DSCAM: variants seen among roughly 807,000 people sequenced by gnomAD.
The protein encoded by DSCAM is DS cell adhesion molecule.
A neutral mutation model predicts 217.7 loss-of-function variants in DSCAM; 47 were observed. The ratio of observed to expected loss-of-function variants is 0.22; its 90% CI spans 0.17 to 0.28. The LOEUF (loss-of-function observed/expected upper bound fraction) is 0.28. Among genes scored for constraint, DSCAM ranks in the 10% least tolerant of loss-of-function variants. DSCAM has a pLI of 1.00. For synonymous variants in DSCAM, 1,056 were observed against 1,015.3 expected (o/e 1.04, Z -0.76); for missense variants, 2,080 against 2,618.3 (o/e 0.79, Z 4.49).
intron 1 of DSCAM, among the ~76,000 whole-genome samples, chr21:40,830,439 G>A (rs538446798): frequency 6.6e-6 from 1 of 152,298 alleles, no homozygotes; most frequent in East Asian, 1.9e-4. Flanking sequence ...AATTACAACT[G>A]GACATGAGAT....
intron 32 of DSCAM, among the ~76,000 whole-genome samples, chr21:40,026,931 G>C (rs1485649263): frequency 3.8e-3 from 578 of 152,172 alleles, no homozygotes; most frequent in African/African-American, 0.013. Context: ...GATGTTAGCT[G>C]GTTATTTTGC....
intron 11 of DSCAM, among the ~76,000 whole-genome samples, chr21:40,220,868 C>G (rs143177543): frequency 5.9e-5 from 9 of 152,352 alleles, no homozygotes; most frequent in African/African-American, 1.9e-4. Flanking sequence ...GCGCTCATCA[C>G]TGTGCTCACT....
chr21:40,845,636 C>T (rs1406779755), intron 1 of DSCAM, among the ~76,000 whole-genome samples: 2 of 151,366 alleles, frequency 1.3e-5, no homozygotes, highest in East Asian at 1.9e-4. Flanking sequence ...TCTCTTCTGG[C>T]TAGGGGATTC....
chr21:40,337,504 G>T (rs955954051), intron 8 of DSCAM, among the ~76,000 whole-genome samples: 1 of 152,070 alleles, frequency 6.6e-6, no homozygotes, highest in Admixed American at 6.5e-5. Context: ...TTTTTTTCTG[G>T]TAAGGAGATT....
At position 40,394,224 on chromosome 21, in the gene DSCAM, T is replaced by C. The variant is rs189743709; in HGVS notation, c.509-24979A>G. ...GGCGAGATAAAGATAAGAACAATGATCTTTATTGCTTACTACAGTCCAGGC... is the reference window on the plus strand; with the variant it reads ...GGCGAGATAAAGATAAGAACAATGACCTTTATTGCTTACTACAGTCCAGGC... On this transcript the variant is annotated intron_variant, in intron 3 of 32. Coordinates refer to ENST00000400454, the MANE Select transcript of DSCAM (RefSeq NM_001389.5). 3.0e-4 allele frequency among the ~76,000 whole-genome samples: 45 copies of C among 152,324 alleles called. No homozygotes were observed. The East Asian group carries it at 8.1e-3, about 27-fold the overall frequency.
chr21:40,801,587 C>T (rs1194873299), intron 1 of DSCAM, among the ~76,000 whole-genome samples: 4 of 152,240 alleles, frequency 2.6e-5, no homozygotes, highest in South Asian at 2.1e-4. Flanking sequence ...ACCAAGGGCA[C>T]CCTCCATAGG....
intron 29 of DSCAM, among the ~76,000 whole-genome samples, chr21:40,054,764 A>G (rs2088986652): frequency 6.6e-6 from 1 of 152,174 alleles, no homozygotes; most frequent in Admixed American, 6.5e-5. Context: ...GCTAGCTGTC[A>G]TTGGAGACAG....
chr21:40,521,955 G>T, intron 3 of DSCAM, among the ~76,000 whole-genome samples: 1 of 152,136 alleles, frequency 6.6e-6, no homozygotes, highest in Admixed American at 6.5e-5. Context: ...AAAACATTAC[G>T]TTGTGCCCCA....
At chr21:40,331,865 T>C (rs1263854182) in intron 8 of DSCAM, among the ~76,000 whole-genome samples, 1 of 152,182 alleles carries the variant, frequency 6.6e-6, no homozygotes, top group Admixed American at 6.5e-5. Flanking sequence ...TAGACATTTA[T>C]TTACCTGTGA....
intron 1 of DSCAM, among the ~76,000 whole-genome samples, chr21:40,765,666 G>A (rs1163852638): frequency 6.6e-6 from 1 of 152,208 alleles, no homozygotes; most frequent in Admixed American, 6.5e-5. Context: ...ACATTTGTGA[G>A]AAGGTGTTTC....
Position 40,057,873 on chromosome 21 carries a change from C to CTTTTTTTTTTTT in DSCAM, c.4920-2045_4920-2034dup, listed in dbSNP as rs71186913. ...TGATGCAATCACAGTTCACTGCAGT[C>CTTTTTTTTTTTT]TTTTTTTTTTTTTTTTTTTTGAGAT... On this transcript the variant is annotated intron_variant, in intron 28 of 32. Coordinates refer to ENST00000400454, the MANE Select transcript of DSCAM (RefSeq NM_001389.5). 2.8e-5 allele frequency among the ~76,000 whole-genome samples: 3 copies of CTTTTTTTTTTTT among 107,208 alleles called. 1 individual carries two copies. Among genetic ancestry groups the CTTTTTTTTTTTT allele is most frequent in the Non-Finnish European group, 5.3e-5 (3 of 56,632 alleles). The allele number at this position is 107,208 out of a possible 152,430, so 70.3% of individuals were successfully genotyped here.
chr21:40,267,766 G>A (rs1331297331), intron 11 of DSCAM, among the ~76,000 whole-genome samples: 2 of 152,060 alleles, frequency 1.3e-5, no homozygotes, highest in South Asian at 4.1e-4. Flanking sequence ...CATGGTGGCA[G>A]GTGCCTGTAA....
chr21:40,538,861 C>A (rs1220930074), intron 3 of DSCAM, among the ~76,000 whole-genome samples: 2 of 152,138 alleles, frequency 1.3e-5, no homozygotes, highest in Admixed American at 1.3e-4. Flanking sequence ...GGGTCTCAGA[C>A]ACAATGAAGG....
chr21:40,158,829 A>G (rs551450454), intron 16 of DSCAM, among the ~76,000 whole-genome samples: 1 of 152,332 alleles, frequency 6.6e-6, no homozygotes, highest in South Asian at 2.1e-4. Flanking sequence ...CTCAACTTAA[A>G]TTTTTCAAAA....
intron 16 of DSCAM, among the ~76,000 whole-genome samples, chr21:40,146,429 A>C (rs916105929): frequency 3.9e-5 from 6 of 152,184 alleles, no homozygotes. Context: ...GCAGACAATG[A>C]GAAGTCAGAA....
At chr21:40,496,600 AATTTAGTATGTG>A (rs1324518948) in intron 3 of DSCAM, among the ~76,000 whole-genome samples, 1 of 152,170 alleles carries the variant, frequency 6.6e-6, no homozygotes, top group African/African-American at 2.4e-5. Context: ...CTTGGCAATG[AATTTAGTATGTG>A]ACCCTAAAAG....
chr21:40,080,786 T>G (rs902581626), intron 24 of DSCAM, among the ~76,000 whole-genome samples: 4 of 152,228 alleles, frequency 2.6e-5, no homozygotes, highest in East Asian at 1.9e-4. Context: ...TCACTCCTCA[T>G]GTACTCCTGG....
intron 8 of DSCAM, among the ~76,000 whole-genome samples, chr21:40,324,610 T>A (rs2074298308): frequency 1.3e-5 from 2 of 152,156 alleles, no homozygotes. Flanking sequence ...TTTAAAAGAT[T>A]AAAACGACCA....
chr21:40,789,929 A>C (rs1381082325), intron 1 of DSCAM, among the ~76,000 whole-genome samples: 1 of 152,128 alleles, frequency 6.6e-6, no homozygotes, highest in East Asian at 1.9e-4. Context: ...GAGTCATGAA[A>C]TCAGTGGTGG....
Sources: gnomAD v4.1 joint callset for allele counts (sites outside exome capture counted in the v4.1 genomes callset) on GRCh38, gnomAD v4.1.1 for gene constraint, MANE v1.5 for transcripts, NCBI Gene and HGNC (gene_info 2026-07-23, HGNC 2026-07-21) for gene names.